Variants in ERICH6 observed in about 807,000 individuals in gnomAD.
ERICH6 encodes glutamate rich 6.
In ERICH6, 71 loss-of-function variants were observed where a neutral mutation model predicts 71.0. The ratio of observed to expected loss-of-function variants is 1.00; its 90% CI spans 0.83 to 1.22. ERICH6 has a LOEUF of 1.22. Ranked by LOEUF, ERICH6 falls within the 50% of genes most tolerant of loss-of-function variation. The probability of loss-of-function intolerance (pLI) is 0.00; values close to 1 mark genes in which losing one functional copy is unlikely to be tolerated. For missense variants in ERICH6, 808 were observed against 797.2 expected (o/e 1.01, Z -0.16); for synonymous variants, 262 against 278.4 (o/e 0.94, Z 0.59).
intron 10 of ERICH6, among the ~76,000 whole-genome samples, chr3:150,677,091 C>T (rs1463945251): frequency 2.6e-5 from 4 of 152,114 alleles, no homozygotes; most frequent in East Asian, 1.9e-4. Flanking sequence ...GGATTACAGG[C>T]GTGAGCCAAC....
chr3:150,665,109 C>T (rs1487102488), intron 13 of ERICH6, among the ~76,000 whole-genome samples: 1 of 151,992 alleles, frequency 6.6e-6, no homozygotes, highest in African/African-American at 2.4e-5. Context: ...GGGGATACTG[C>T]AGATTTCTAA....
chr3:150,677,258 A>G (rs1042888405), intron 10 of ERICH6, among the ~76,000 whole-genome samples: 3 of 152,080 alleles, frequency 2.0e-5, no homozygotes, highest in East Asian at 1.9e-4. Context: ...CTTAAATTCT[A>G]TATCTCCCAA....
At chr3:150,667,067 A>G (rs756652836) in intron 12 of ERICH6, 52 bp from the exon 13 acceptor site, 1 of 1,515,552 alleles carries the variant, frequency 6.6e-7, no homozygotes, top group South Asian at 1.2e-5. Context: ...GTAATTAAAT[A>G]CTGGAATTAT....
chr3:150,692,062 A>G (rs1712460515), intron 3 of ERICH6, among the ~76,000 whole-genome samples: 1 of 152,212 alleles, frequency 6.6e-6, no homozygotes, highest in African/African-American at 2.4e-5. Flanking sequence ...TGTCAAAAGC[A>G]CACTGATATA....
At chr3:150,677,000 T>A (rs1448882777) in intron 10 of ERICH6, among the ~76,000 whole-genome samples, 3 of 151,828 alleles carry the variant, frequency 2.0e-5, no homozygotes, top group Non-Finnish European at 4.4e-5. Flanking sequence ...TTAGTAGAGA[T>A]GGGATTTCAC....
In ERICH6 at chr3:150,674,048, A is replaced by G. The variant is rs763401456; in HGVS notation, c.1258-7T>C. 6.2e-7 allele frequency: 1 copy of G among 1,610,926 alleles called. No individual in the cohort carries two copies. Among genetic ancestry groups the G allele is most frequent in the Admixed American group, 1.7e-5 (1 of 59,478 alleles). On this transcript the variant is annotated splice_region_variant and splice_polypyrimidine_tract_variant and intron_variant, in intron 10 of 13. Transcript: ENST00000295910. ...AGAGCTCATTCCTGACAACCTATAC[A>G]CCACAGAAAAGAAAAGACACTTAAT...
chr3:150,666,134 C>A (rs1211113654), intron 13 of ERICH6, among the ~76,000 whole-genome samples: 1 of 152,222 alleles, frequency 6.6e-6, no homozygotes, highest in African/African-American at 2.4e-5. Context: ...AGAGAATCTG[C>A]AACCTGAATT....
intron 10 of ERICH6, among the ~76,000 whole-genome samples, chr3:150,676,932 C>T (rs1711681589): frequency 6.6e-6 from 1 of 152,028 alleles, no homozygotes; most frequent in South Asian, 2.1e-4. Context: ...TCTGCCTCAG[C>T]CTCCCAAGTA....
chr3:150,702,270 C>CTTTTT (rs63679260), intron 1 of ERICH6, 92 bp from the exon 2 acceptor site: 81 of 163,876 alleles, frequency 4.9e-4, no homozygotes, highest in African/African-American at 1.1e-3. Flanking sequence ...TGTCTGGAGA[C>CTTTTT]TTTTTTTTTT....
rs34624356 is a variant in ERICH6 at position 150,700,241 on chromosome 3, A to ATTTTT, written c.462-1364_462-1360dup. On this transcript the variant is annotated intron_variant, in intron 2 of 13. Coordinates refer to ENST00000295910, the MANE Select transcript of ERICH6 (RefSeq NM_152394.5). The stretch of plus-strand genomic sequence containing the variant: ...AGGCGTCCGCCACCATGCCCGGCTA[A>ATTTTT]TTTTTTTTTTTTTTTTTTTTTTTTT... Among the ~76,000 whole-genome samples the ATTTTT allele has an allele frequency of 9.3e-4, 103 of 110,950 alleles. 1 individual carries two copies. The highest frequency in any genetic ancestry group is 3.5e-3 in the African/African-American group (94 of 27,086). 72.8% of individuals were successfully genotyped at this position (110,950 alleles called of 152,430 possible). A position where few individuals can be genotyped will look rare whatever the true frequency, so the allele number is the denominator to read the frequency against.
At chr3:150,668,614 A>C (rs1458264039) in intron 12 of ERICH6, among the ~76,000 whole-genome samples, 3 of 152,208 alleles carry the variant, frequency 2.0e-5, no homozygotes, top group African/African-American at 7.2e-5. Flanking sequence ...TATAAACTTC[A>C]CCAATTACTG....
At chr3:150,668,573 G>A (rs143703271) in intron 12 of ERICH6, among the ~76,000 whole-genome samples, 16 of 152,210 alleles carry the variant, frequency 1.1e-4, no homozygotes, top group African/African-American at 1.4e-4. Flanking sequence ...CAAATAGCTC[G>A]GTATCCTAAC....
In ERICH6 at chr3:150,664,779, TA is replaced by T. The variant is rs528254632; in HGVS notation, c.1728+2007del. Among the ~76,000 whole-genome samples the T allele has an allele frequency of 2.7e-4, 41 of 151,694 alleles. No homozygotes were observed. The South Asian group carries it at 8.1e-3, about 30-fold the overall frequency. ...AAGAAATAAAGGGAATCTCATTTTTTAAAAAATTATCTTTATTTCTGTATTG... is the reference window on the plus strand; with the variant it reads ...AAGAAATAAAGGGAATCTCATTTTTTAAAAATTATCTTTATTTCTGTATTG... On this transcript the variant is annotated intron_variant, in intron 13 of 13. Transcript: ENST00000295910.
At chr3:150,700,559 T>A (rs893269662) in intron 2 of ERICH6, among the ~76,000 whole-genome samples, 1 of 151,128 alleles carries the variant, frequency 6.6e-6, no homozygotes, top group South Asian at 2.1e-4. Context: ...CAACAGAGAG[T>A]CAAAAAGTTT....
chr3:150,703,549 G>A lies in ERICH6; in HGVS notation c.350C>T (p.Thr117Ile), dbSNP rs538312205. The change falls in exon 1 of 14, where the codon ACC (threonine) becomes ATC (isoleucine). Residue 117 changes from threonine to isoleucine, a missense_variant. Physicochemically the swap from Thr to Ile is moderately conservative, Grantham distance 89. Around this residue, in one of 3 missense-constraint regions of ERICH6, gnomAD observed 736 missense variants for 712.2 expected, o/e 1.03. Transcript: ENST00000295910. ...TSTFVPSQSA[T>I]STETPSASPP... ...GCTTGCGCTCGGCGTTTCAGTGCTGGTCGCGCTCTGGCTGGGCACGAACGT... is the reference window on the plus strand; with the variant it reads ...GCTTGCGCTCGGCGTTTCAGTGCTGATCGCGCTCTGGCTGGGCACGAACGT... 68 of 1,612,834 alleles carry A rather than the reference G, an allele frequency of 4.2e-5. 1 individual carries two copies. In the South Asian group the frequency reaches 7.1e-4, roughly 17 times the overall value.
intron 3 of ERICH6, among the ~76,000 whole-genome samples, chr3:150,690,704 T>C (rs1046811167): frequency 9.2e-5 from 14 of 152,224 alleles, no homozygotes; most frequent in African/African-American, 3.4e-4. Context: ...ATTGTCAGCA[T>C]ACATTTTTGT....
At chr3:150,697,103 T>G (rs945405628) in intron 3 of ERICH6, among the ~76,000 whole-genome samples, 12 of 152,158 alleles carry the variant, frequency 7.9e-5, no homozygotes, top group African/African-American at 2.7e-4. Context: ...TGGTAAAAAT[T>G]TTCAAGGCCT....
intron 3 of ERICH6, among the ~76,000 whole-genome samples, chr3:150,697,898 T>C (rs990828743): frequency 5.3e-5 from 8 of 152,212 alleles, no homozygotes; most frequent in African/African-American, 1.9e-4. Flanking sequence ...TCCTCCCTGC[T>C]TACTCCACTG....
chr3:150,684,014 G>C (rs950687679), intron 6 of ERICH6, among the ~76,000 whole-genome samples: 1 of 152,170 alleles, frequency 6.6e-6, no homozygotes, highest in Non-Finnish European at 1.5e-5. Flanking sequence ...TGGGTGTTGC[G>C]GGAGGCGAGT....
Sources: gnomAD v4.1 joint callset for allele counts (sites outside exome capture counted in the v4.1 genomes callset) on GRCh38, gnomAD v4.1.1 for gene constraint, gnomAD v4.1.1 regional missense constraint, MANE v1.5 for transcripts, NCBI Gene and HGNC (gene_info 2026-07-23, HGNC 2026-07-21) for gene names.